TTBK1: variants seen among roughly 807,000 people sequenced by gnomAD.
TTBK1 encodes the protein tau tubulin kinase 1.
In TTBK1, 34 loss-of-function variants were observed where a neutral mutation model predicts 108.5. That is an observed-to-expected ratio of 0.31 (90% CI 0.24 to 0.42). The LOEUF (loss-of-function observed/expected upper bound fraction) is 0.42, where lower values mean the gene tolerates loss of function less well. Ranked by LOEUF, TTBK1 falls within the 10% of genes least tolerant of loss-of-function variation. The pLI, the probability that TTBK1 is intolerant of heterozygous loss-of-function variation, is 1.00. For missense variants in TTBK1, 1,539 were observed against 1,826.0 expected, an observed-to-expected ratio of 0.84 and a Z score of 2.86; for synonymous variants, 809 against 795.1, an observed-to-expected ratio of 1.02 and a Z score of -0.29.
chr6:43,272,354 T>C (rs937590), intron 13 of TTBK1: 360,494 of 985,264 alleles, frequency 0.37, 70,202 homozygotes, highest in African/African-American at 0.7. Context: ...TGTGAAATAT[T>C]GAAGATGATG....
rs199874313 is a variant in TTBK1 at position 43,282,729 on chromosome 6, G to A, written c.1989G>A (p.Val663=). 2 of 1,599,382 alleles carry A rather than the reference G, an allele frequency of 1.3e-6. No homozygotes were observed. Among genetic ancestry groups the A allele is most frequent in the East Asian group, 2.2e-5 (1 of 44,784 alleles). ...ESDPTGPQRQ[V]FSVAPPFEVN... is the part of the protein sequence containing the mutation. ...GTCCCTGTGTATGCCCCTTGCAGGT[G>A]TTCTCCGTGGCGCCCCCATTTGAGG... The change falls in exon 14 of 15, where the codon GTG becomes GTA. Residue 663 remains valine (V), a splice_region_variant and synonymous_variant. Transcript: ENST00000259750. This position sits in a 1 kb window ranked among gnomAD's most constrained non-coding sequence, Gnocchi z 5.4.
chr6:43,250,700 A>C (rs953839752), intron 2 of TTBK1, among the ~76,000 whole-genome samples: 2 of 152,128 alleles, frequency 1.3e-5, no homozygotes, highest in African/African-American at 4.8e-5. Flanking sequence ...GGGGCAAGGT[A>C]TTGCATTTCC....
In TTBK1 at chr6:43,257,976, A is replaced by G. The variant is rs1276858609; in HGVS notation, c.1016+10A>G. ...CGGCAGCCATGTTTGGGTGAGTCTC[A>G]GGAAGGCGAGCCACCAGCCCCTGCC... is the stretch of plus-strand genomic sequence containing the variant. On this transcript the variant is annotated intron_variant, in intron 10 of 14. Coordinates refer to ENST00000259750, the MANE Select transcript of TTBK1 (RefSeq NM_032538.3). The surrounding 1 kb of genome is among the most constrained non-coding windows in gnomAD (Gnocchi z 4.5). 6.2e-7 allele frequency: 1 copy of G among 1,609,316 alleles called. No homozygotes were observed. The highest frequency in any genetic ancestry group is 1.7e-5 in the Admixed American group (1 of 59,864).
intron 13 of TTBK1, among the ~76,000 whole-genome samples, chr6:43,275,247 G>A (rs1327909822): frequency 1.3e-5 from 2 of 151,894 alleles, no homozygotes; most frequent in Non-Finnish European, 2.9e-5. Flanking sequence ...CGAATGTACG[G>A]CCCGCCCCAC....
chr6:43,282,975 A>G lies in TTBK1; in HGVS notation c.2235A>G (p.Glu745=), dbSNP rs1778218216. ...AGGAGGAGGAAGATGAGGAAGAGGA[A>G]GAAGAGGATGAGGAAGAAGAAGAGG... is the stretch of plus-strand genomic sequence containing the variant. ...EEEEEEDEEE[E]EEDEEEEEEE... The change falls in exon 14 of 15, where the codon GAA becomes GAG. Residue 745 remains glutamate, a synonymous_variant. Coordinates refer to ENST00000259750, the MANE Select transcript of TTBK1 (RefSeq NM_032538.3). The surrounding 1 kb of genome is among the most constrained non-coding windows in gnomAD (Gnocchi z 5.4). 1 of 1,601,734 alleles carries G rather than the reference A, an allele frequency of 6.2e-7. No individual in the cohort carries two copies. Among genetic ancestry groups the G allele is most frequent in the Non-Finnish European group, 8.5e-7 (1 of 1,173,630 alleles).
rs146633224 is a variant in TTBK1, at chr6:43,283,870, C to T, written c.3130C>T (p.Arg1044Cys). Residue 1044 changes from arginine (R) to cysteine (C), a missense_variant, in exon 14 of 15, where the codon CGC becomes TGC. Arg to Cys is a radical substitution (Grantham distance 180). Around this residue, in one of 5 missense-constraint regions of TTBK1, gnomAD observed 1,055 missense variants for 1,086.5 expected, o/e 0.97. Coordinates refer to ENST00000259750, the MANE Select transcript of TTBK1 (RefSeq NM_032538.3). This position sits in a 1 kb window ranked among gnomAD's most constrained non-coding sequence, Gnocchi z 8.1. ...PEKVATISPR[R>C]HAMPGSRPRS... The stretch of plus-strand genomic sequence containing the variant: ...GAAAGTGGCCACCATCTCCCCCAGA[C>T]GCCATGCTATGCCAGGCTCTCGCCC... 1,889 of 1,610,794 alleles carry T rather than the reference C, an allele frequency of 1.2e-3. 6 individuals carry two copies. The highest frequency in any genetic ancestry group is 7.9e-3 in the African/African-American group (592 of 74,990).
At chr6:43,284,749 A>G (rs1778312431) in intron 14 of TTBK1, among the ~76,000 whole-genome samples, 1 of 152,202 alleles carries the variant, frequency 6.6e-6, no homozygotes, top group Non-Finnish European at 1.5e-5. Context: ...TGAGGACCCC[A>G]AAGAAAGCCA....
At chr6:43,272,715 C>G (rs1777866272) in intron 13 of TTBK1, 2 of 982,426 alleles carry the variant, frequency 2.0e-6, no homozygotes, top group Admixed American at 1.2e-4. Context: ...GGATTAAGTT[C>G]ATGTGAAGCT....
rs968103031 is a variant in TTBK1, at chr6:43,253,117, C to T, written c.257-174C>T. 1.3e-5 allele frequency among the ~76,000 whole-genome samples: 2 copies of T among 151,948 alleles called. No individual in the cohort carries two copies. The highest frequency in any genetic ancestry group is 1.9e-4 in the East Asian group (1 of 5,184). On this transcript the variant is annotated intron_variant, in intron 3 of 14. Coordinates refer to ENST00000259750, the MANE Select transcript of TTBK1 (RefSeq NM_032538.3). This position sits in a 1 kb window ranked among gnomAD's most constrained non-coding sequence, Gnocchi z 5.8. ...CCGGGTTGGTGATCAAGGAAGTAAT[C>T]GAGCTGGAGTCTAGGAGACATGATG...
chr6:43,277,917 G>A (rs1301259747), intron 13 of TTBK1, among the ~76,000 whole-genome samples: 2 of 152,332 alleles, frequency 1.3e-5, no homozygotes, highest in South Asian at 2.1e-4. Flanking sequence ...GTTTCTGAGA[G>A]AGGAGGAGGA....
rs779375420 is a variant in TTBK1, at chr6:43,262,794, G to A, written c.1430G>A (p.Arg477Gln). The A allele has an allele frequency of 9.0e-6, 14 of 1,564,194 alleles. No homozygotes were observed. The highest frequency in any genetic ancestry group is 7.0e-5 in the Admixed American group (4 of 56,884). Residue 477 changes from arginine (R) to glutamine (Q), a missense_variant, in exon 13 of 15, where the codon CGG becomes CAG. Physicochemically the swap from Arg to Gln is conservative, Grantham distance 43. This residue lies in a region of TTBK1 where 277 missense variants were observed against 332.4 expected (regional missense o/e 0.83). Transcript: ENST00000259750. Reference sequence around the variant, plus strand: ...CGTGAGGGGTGGCTTTGCAGGTCACGGATGGATCTGCCTGGCTCGCCCTCG... The same window carrying A: ...CGTGAGGGGTGGCTTTGCAGGTCACAGATGGATCTGCCTGGCTCGCCCTCG... ...GRVELPERRSRMDLPGSPSRQ... is the reference protein window; with the variant it reads ...GRVELPERRSQMDLPGSPSRQ...
At chr6:43,246,994 T>C (rs1308173909) in intron 2 of TTBK1, among the ~76,000 whole-genome samples, 1 of 152,140 alleles carries the variant, frequency 6.6e-6, no homozygotes, top group African/African-American at 2.4e-5. Context: ...CTCTTCCCGC[T>C]AGGTCACGTT....
chr6:43,272,754 G>T, intron 13 of TTBK1: 1 of 844,358 alleles, frequency 1.2e-6, no homozygotes, highest in East Asian at 1.2e-4. Flanking sequence ...TTTGGGTCGA[G>T]TTGCTGGTCT....
chr6:43,270,282 T>C (rs1165807153), intron 13 of TTBK1: 7 of 1,117,540 alleles, frequency 6.3e-6, no homozygotes, highest in Non-Finnish European at 7.6e-6. Context: ...AAGAGAGGTG[T>C]CAGGGAGATG....
In TTBK1 at chr6:43,257,809, C is replaced by G; in HGVS notation, c.862-3C>G. The stretch of plus-strand genomic sequence containing the variant: ...GTCCTCCCATCACCCTCACCCCCTG[C>G]AGTTGATCATGTCAGTGTTTGAGAA... On this transcript the variant is annotated splice_polypyrimidine_tract_variant and splice_region_variant and intron_variant, in intron 9 of 14. Transcript: ENST00000259750. The surrounding 1 kb of genome is among the most constrained non-coding windows in gnomAD (Gnocchi z 4.5). 1 of 1,612,522 alleles carries G rather than the reference C, an allele frequency of 6.2e-7. No homozygotes were observed. Among genetic ancestry groups the G allele is most frequent in the Non-Finnish European group, 8.5e-7 (1 of 1,179,048 alleles).
rs1192981010 is a variant in TTBK1, at chr6:43,286,898, C to G, written c.*1522C>G. On this transcript the variant is annotated 3_prime_UTR_variant, in exon 15 of 15. Coordinates refer to ENST00000259750, the MANE Select transcript of TTBK1 (RefSeq NM_032538.3). The surrounding 1 kb of genome is among the most constrained non-coding windows in gnomAD (Gnocchi z 4.6). Reference sequence around the variant, plus strand: ...AGCCTCTCTGTCCTTCCCTGAGTCACAGAGAGCAAGCCAAGACATCCAGGG... The same window carrying G: ...AGCCTCTCTGTCCTTCCCTGAGTCAGAGAGAGCAAGCCAAGACATCCAGGG... 3 of 152,404 alleles carry G rather than the reference C, an allele frequency of 2.0e-5. No individual in the cohort carries two copies. Among genetic ancestry groups the G allele is most frequent in the Non-Finnish European group, 4.4e-5 (3 of 68,134 alleles). The allele number at this position is 152,404 out of a possible 1,614,324, so 9.4% of individuals were successfully genotyped here. A position where few individuals can be genotyped will look rare whatever the true frequency, so the allele number is the denominator to read the frequency against.
At chr6:43,266,253 T>C (rs1260411839) in intron 13 of TTBK1, among the ~76,000 whole-genome samples, 1 of 152,224 alleles carries the variant, frequency 6.6e-6, no homozygotes, top group Non-Finnish European at 1.5e-5. Context: ...TGCCTGCATG[T>C]GGGTGCACAC....
In TTBK1 at chr6:43,257,709, T is replaced by C; in HGVS notation, c.862-103T>C. 1 of 1,277,334 alleles carries C rather than the reference T, an allele frequency of 7.8e-7. No individual in the cohort carries two copies. The highest frequency in any genetic ancestry group is 2.4e-5 in the East Asian group (1 of 41,256). 79.1% of individuals were successfully genotyped at this position (1,277,334 alleles called of 1,614,324 possible). A position where few individuals can be genotyped will look rare whatever the true frequency, so the allele number is the denominator to read the frequency against. ...GCCCCCTCCAGGCCCATTCCTGTCC[T>C]GGAAAGTCCCTGTCTTCCTCCTATG... On this transcript the variant is annotated intron_variant, in intron 9 of 14. Transcript: ENST00000259750. The surrounding 1 kb of genome is among the most constrained non-coding windows in gnomAD (Gnocchi z 4.5).
chr6:43,277,824 T>C (rs1778048718), intron 13 of TTBK1, among the ~76,000 whole-genome samples: 1 of 152,150 alleles, frequency 6.6e-6, no homozygotes, highest in African/African-American at 2.4e-5. Flanking sequence ...CAGGCACATC[T>C]CATCTCCTCG....
Sources: allele counts gnomAD v4.1 joint callset (sites outside exome capture counted in the v4.1 genomes callset), GRCh38; gene constraint gnomAD v4.1.1; regional missense constraint gnomAD v4.1.1; non-coding constraint Gnocchi (gnomAD v3.1); transcripts MANE v1.5; gene names NCBI Gene and HGNC (gene_info 2026-07-23, HGNC 2026-07-21).